The following PTPRG variants were observed in gnomAD, a reference collection of about 807,000 sequenced individuals.
The protein encoded by PTPRG is protein tyrosine phosphatase receptor type G, also known as receptor-type tyrosine-protein phosphatase gamma.
In PTPRG, 102 loss-of-function variants were observed where a neutral mutation model predicts 165.3. The observed-to-expected ratio is 0.62, with a 90% CI of 0.53 to 0.73. The LOEUF (loss-of-function observed/expected upper bound fraction) is 0.73. Ranked by LOEUF, PTPRG falls within the 30% of genes least tolerant of loss-of-function variation. The pLI is 0.00. For synonymous variants in PTPRG, 675 were observed against 669.5 expected (o/e 1.01, Z -0.13); for missense variants, 1,866 against 1,861.4 (o/e 1.00, Z -0.05).
At chr3:61,937,883 A>T (rs1464965527) in intron 2 of PTPRG, among the ~76,000 whole-genome samples, 1 of 152,074 alleles carries the variant, frequency 6.6e-6, no homozygotes, top group Non-Finnish European at 1.5e-5. Flanking sequence ...GGTGCTGCCA[A>T]GAAGCTTTTA....
rs1010239131 is a variant in PTPRG at position 62,195,176 on chromosome 3, G to A, written c.1327+6G>A. On this transcript the variant is annotated splice_donor_region_variant and intron_variant, in intron 10 of 29. Transcript: ENST00000474889. This position sits in a 1 kb window ranked among gnomAD's most constrained non-coding sequence, Gnocchi z 4.4. ...CCAGACGATGCTGTTTCAAGGTGAG[G>A]CTGGCTTCCCCTCCTGTGGCCGGGG... 6 of 1,613,520 alleles carry A rather than the reference G, an allele frequency of 3.7e-6. No homozygotes were observed. Among genetic ancestry groups the A allele is most frequent in the Non-Finnish European group, 4.2e-6 (5 of 1,179,444 alleles).
At chr3:61,675,661 A>G (rs1559552119) in intron 1 of PTPRG, among the ~76,000 whole-genome samples, 1 of 152,120 alleles carries the variant, frequency 6.6e-6, no homozygotes, top group Non-Finnish European at 1.5e-5. Flanking sequence ...TTGATATGGT[A>G]TTTGATGTTG....
At chr3:62,138,052 T>C (rs1474242942) in intron 6 of PTPRG, among the ~76,000 whole-genome samples, 2 of 152,236 alleles carry the variant, frequency 1.3e-5, no homozygotes, top group African/African-American at 4.8e-5. Context: ...TCTTCTCTTT[T>C]GCAGAACTTC....
At chr3:61,935,754 A>G (rs1044699530) in intron 2 of PTPRG, among the ~76,000 whole-genome samples, 1 of 151,066 alleles carries the variant, frequency 6.6e-6, no homozygotes, top group African/African-American at 2.4e-5. Context: ...CCAAGAAGTC[A>G]TCATATATAT....
At chr3:61,711,178 A>G (rs2031533858) in intron 1 of PTPRG, among the ~76,000 whole-genome samples, 1 of 152,100 alleles carries the variant, frequency 6.6e-6, no homozygotes, top group Non-Finnish European at 1.5e-5. Flanking sequence ...TCATTGATAG[A>G]CATTTGGGTT....
At chr3:61,638,169 G>C (rs573639704) in intron 1 of PTPRG, among the ~76,000 whole-genome samples, 1 of 152,214 alleles carries the variant, frequency 6.6e-6, no homozygotes, top group East Asian at 1.9e-4. Context: ...AACCAAAAAG[G>C]CTTCTTGCTA....
At chr3:61,869,625 C>CGGGA (rs1559658897) in intron 2 of PTPRG, among the ~76,000 whole-genome samples, 2 of 151,714 alleles carry the variant, frequency 1.3e-5, no homozygotes, top group African/African-American at 4.8e-5. Flanking sequence ...GTCACCCAGG[C>CGGGA]GGGAGTGCAG....
rs2036040630 is a variant in PTPRG at position 61,824,197 on chromosome 3, T to C, written c.190+75215T>C. Among the ~76,000 whole-genome samples the C allele has an allele frequency of 2.0e-5, 3 of 152,228 alleles. No homozygotes were observed. The South Asian group carries it at 6.2e-4, about 32-fold the overall frequency. ...TTGAGTGAGAGATTTTGAACAGTTT[T>C]CCAAACCACACTAGACTATTCCTAT... On this transcript the variant is annotated intron_variant, in intron 2 of 29. Coordinates refer to ENST00000474889, the MANE Select transcript of PTPRG (RefSeq NM_002841.4).
At chr3:62,029,060 A>G (rs945285717) in intron 4 of PTPRG, among the ~76,000 whole-genome samples, 4 of 152,164 alleles carry the variant, frequency 2.6e-5, no homozygotes, top group African/African-American at 9.7e-5. Context: ...ATGGGCCTAT[A>G]CCTGTGATCC....
chr3:62,086,424 C>A (rs536218153), intron 5 of PTPRG, among the ~76,000 whole-genome samples: 1 of 152,128 alleles, frequency 6.6e-6, no homozygotes, highest in East Asian at 1.9e-4. Context: ...AAAACAAGAA[C>A]TATTTTTGAG....
chr3:61,978,606 T>C (rs762132834), intron 2 of PTPRG, among the ~76,000 whole-genome samples: 11 of 152,250 alleles, frequency 7.2e-5, no homozygotes, highest in Non-Finnish European at 1.6e-4. Flanking sequence ...ATGTATTAAG[T>C]TGCTGGTACA....
intron 1 of PTPRG, among the ~76,000 whole-genome samples, chr3:61,732,159 G>A (rs2032525951): frequency 6.6e-6 from 1 of 152,138 alleles, no homozygotes; most frequent in East Asian, 1.9e-4. Context: ...AAAGAAACAG[G>A]TGGAATTAAT....
At chr3:62,074,800 C>T in intron 4 of PTPRG, among the ~76,000 whole-genome samples, 1 of 152,090 alleles carries the variant, frequency 6.6e-6, no homozygotes. Context: ...GAAGGGAGGG[C>T]TCTGGGCACA....
intron 8 of PTPRG, among the ~76,000 whole-genome samples, chr3:62,174,853 T>C (rs1377750843): frequency 6.6e-6 from 1 of 152,236 alleles, no homozygotes; most frequent in Non-Finnish European, 1.5e-5. Flanking sequence ...AGTTACCTTG[T>C]TACTGCCAGA....
intron 4 of PTPRG, among the ~76,000 whole-genome samples, chr3:62,047,549 A>G (rs1036309683): frequency 2.0e-5 from 3 of 152,164 alleles, no homozygotes; most frequent in African/African-American, 7.2e-5. Context: ...GGCGTGAGCC[A>G]CCATGCCCAG....
chr3:61,628,249 C>T (rs1234123197), intron 1 of PTPRG, among the ~76,000 whole-genome samples: 2 of 152,074 alleles, frequency 1.3e-5, no homozygotes, highest in Non-Finnish European at 2.9e-5. Flanking sequence ...CCCTCTTTCC[C>T]TTTGCTTGTA....
intron 5 of PTPRG, among the ~76,000 whole-genome samples, chr3:62,084,750 C>T (rs1431599748): frequency 2.0e-5 from 3 of 152,146 alleles, no homozygotes; most frequent in African/African-American, 7.2e-5. Flanking sequence ...ATGATCTGTC[C>T]TTCCTTTGAC....
At chr3:62,146,727 C>T (rs1208767546) in intron 6 of PTPRG, among the ~76,000 whole-genome samples, 1 of 151,962 alleles carries the variant, frequency 6.6e-6, no homozygotes, top group Non-Finnish European at 1.5e-5. Flanking sequence ...TAAGCTCTGT[C>T]AGCCATATAT....
chr3:62,196,406 A>T (rs1699965023), intron 10 of PTPRG, among the ~76,000 whole-genome samples: 1 of 152,174 alleles, frequency 6.6e-6, no homozygotes, highest in African/African-American at 2.4e-5. Flanking sequence ...TCCGTCTCGA[A>T]AAATGAAAAT....
Sources: allele counts gnomAD v4.1 joint callset (sites outside exome capture counted in the v4.1 genomes callset), GRCh38; gene constraint gnomAD v4.1.1; non-coding constraint Gnocchi (gnomAD v3.1); transcripts MANE v1.5; gene names NCBI Gene and HGNC (gene_info 2026-07-23, HGNC 2026-07-21).